The following RBFOX1 variants were observed in gnomAD, a reference collection of about 807,000 sequenced individuals.
RBFOX1 encodes the protein RNA binding fox-1 homolog 1.
A neutral mutation model predicts 57.7 loss-of-function variants in RBFOX1; 8 were observed. The observed-to-expected ratio is 0.14, with a 90% CI of 0.08 to 0.25. The LOEUF is 0.25. Ranked by LOEUF, RBFOX1 falls within the 10% of genes least tolerant of loss-of-function variation. The pLI, the probability that RBFOX1 is intolerant of heterozygous loss-of-function variation, is 1.00. For missense variants in RBFOX1, 611 were observed against 548.5 expected, an observed-to-expected ratio of 1.11 and a Z score of -1.14; for synonymous variants, 326 against 222.4, an observed-to-expected ratio of 1.47 and a Z score of -4.15.
Position 5,375,260 on chromosome 16 carries a change from C to A in RBFOX1, c.220-91956C>A, listed in dbSNP as rs180866611. 3.3e-5 allele frequency among the ~76,000 whole-genome samples: 5 copies of A among 152,182 alleles called. No homozygotes were observed. The South Asian group carries it at 8.3e-4, about 25-fold the overall frequency. On this transcript the variant is annotated intron_variant, in intron 1 of 2. Transcript: ENST00000585867. Reference sequence around the variant, plus strand: ...GTGATAATTTCTAAAATCAATTGACCATGGAAGCTGTTTTCCAGGGATCCA... The same window carrying A: ...GTGATAATTTCTAAAATCAATTGACAATGGAAGCTGTTTTCCAGGGATCCA...
At chr16:5,507,159 A>AAACAAATT (rs2043406922) in intron 2 of RBFOX1, among the ~76,000 whole-genome samples, 1 of 152,144 alleles carries the variant, frequency 6.6e-6, no homozygotes, top group African/African-American at 2.4e-5. Context: ...AGGATGAAGA[A>AAACAAATT]AACAAATTCG....
chr16:5,713,165 T>G (rs1405039492), intron 3 of RBFOX1, among the ~76,000 whole-genome samples: 1 of 152,242 alleles, frequency 6.6e-6, no homozygotes, highest in African/African-American at 2.4e-5. Flanking sequence ...TCTTGTTCTG[T>G]GTAATCATAC....
rs533759033 is a variant in RBFOX1, at chr16:6,065,011, TTTTC to T, written c.-127+45035_-127+45038del. 3.7e-3 allele frequency among the ~76,000 whole-genome samples: 560 copies of T among 151,830 alleles called. 3 individuals carry two copies. The highest frequency in any genetic ancestry group is 5.9e-3 in the Non-Finnish European group (400 of 67,942). Reference sequence around the variant, plus strand: ...ACGTGACTGTTTTTCTATATATTTCTTTTCTTTCTTTCTTTCTTTTTTTTTCTTT... The same window carrying T: ...ACGTGACTGTTTTTCTATATATTTCTTTTCTTTCTTTCTTTTTTTTTCTTT... On this transcript the variant is annotated intron_variant, in intron 1 of 15. Transcript: ENST00000550418.
chr16:7,330,703 G>T (rs565372670), intron 4 of RBFOX1, among the ~76,000 whole-genome samples: 1 of 152,132 alleles, frequency 6.6e-6, no homozygotes, highest in South Asian at 2.1e-4. Flanking sequence ...CTGTAAATTT[G>T]TTGCCTGAAT....
intron 4 of RBFOX1, among the ~76,000 whole-genome samples, chr16:7,432,323 C>T (rs912049036): frequency 2.0e-5 from 3 of 152,176 alleles, no homozygotes; most frequent in Non-Finnish European, 4.4e-5. Context: ...AAATAACTCC[C>T]AGAGAGAAGG....
chr16:7,448,187 C>A (rs981708463), intron 4 of RBFOX1, among the ~76,000 whole-genome samples: 2 of 152,180 alleles, frequency 1.3e-5, no homozygotes, highest in Non-Finnish European at 2.9e-5. Flanking sequence ...AACAGAGCGG[C>A]TTAAAATAAC....
intron 1 of RBFOX1, among the ~76,000 whole-genome samples, chr16:6,204,560 G>T (rs1430340061): frequency 6.6e-6 from 1 of 152,172 alleles, no homozygotes; most frequent in Admixed American, 6.5e-5. Context: ...GAGGTTATTT[G>T]AACCCAGGCA....
At chr16:7,155,086 A>G (rs370529102) in intron 4 of RBFOX1, among the ~76,000 whole-genome samples, 2 of 152,160 alleles carry the variant, frequency 1.3e-5, no homozygotes, top group African/African-American at 4.8e-5. Context: ...CAAGGTATCA[A>G]TGCAAACTCT....
chr16:5,374,439 C>G (rs1297585581), intron 1 of RBFOX1, among the ~76,000 whole-genome samples: 2 of 151,972 alleles, frequency 1.3e-5, no homozygotes, highest in African/African-American at 4.8e-5. Flanking sequence ...GAGAGGAATT[C>G]CAGGAGGAGG....
chr16:6,130,976 C>G (rs925576037), intron 1 of RBFOX1, among the ~76,000 whole-genome samples: 7 of 152,120 alleles, frequency 4.6e-5, no homozygotes, highest in Non-Finnish European at 7.4e-5. Context: ...ACATTCATAA[C>G]CAGATCAGCA....
At chr16:6,105,204 T>G (rs2096363990) in intron 1 of RBFOX1, among the ~76,000 whole-genome samples, 1 of 152,220 alleles carries the variant, frequency 6.6e-6, no homozygotes, top group Non-Finnish European at 1.5e-5. Context: ...CATTTTTAAG[T>G]TACTGTTTTG....
At chr16:5,639,594 C>A (rs143539423) in intron 3 of RBFOX1, among the ~76,000 whole-genome samples, 2 of 152,304 alleles carry the variant, frequency 1.3e-5, no homozygotes, top group African/African-American at 4.8e-5. Flanking sequence ...TCTCTATCAT[C>A]TCCTGAACAT....
rs115981422 is a variant in RBFOX1 at position 6,993,242 on chromosome 16, G to T, written c.-15-58815G>T. Among the ~76,000 whole-genome samples the T allele has an allele frequency of 3.3e-3, 501 of 152,308 alleles. 2 individuals are homozygous for T. The highest frequency in any genetic ancestry group is 0.012 in the African/African-American group (481 of 41,564). On this transcript the variant is annotated intron_variant, in intron 3 of 15. Transcript: ENST00000550418. The stretch of plus-strand genomic sequence containing the variant: ...AATGACTTGTTGCTACTGTAGAGGG[G>T]ACCCTGCACACACCTTCCTGGGAGT...
chr16:7,708,739 C>G (rs1209901730), intron 14 of RBFOX1, among the ~76,000 whole-genome samples: 1 of 152,142 alleles, frequency 6.6e-6, no homozygotes, highest in Non-Finnish European at 1.5e-5. Context: ...TTCTTTCTTA[C>G]CTACCTCAGT....
At chr16:6,514,786 G>C (rs1297262379) in intron 2 of RBFOX1, among the ~76,000 whole-genome samples, 1 of 151,970 alleles carries the variant, frequency 6.6e-6, no homozygotes, top group Non-Finnish European at 1.5e-5. Flanking sequence ...AGAAAAAAGT[G>C]ATGGAGAAAA....
chr16:6,402,872 T>C (rs2093131314), intron 2 of RBFOX1, among the ~76,000 whole-genome samples: 1 of 152,228 alleles, frequency 6.6e-6, no homozygotes, highest in Non-Finnish European at 1.5e-5. Flanking sequence ...GTAACCGAGA[T>C]GTAATTGTGA....
intron 4 of RBFOX1, among the ~76,000 whole-genome samples, chr16:5,994,768 C>G (rs1355902244): frequency 3.3e-5 from 5 of 152,200 alleles, no homozygotes; most frequent in Admixed American, 6.5e-5. Flanking sequence ...GAGCCCTACT[C>G]CACACCACAA....
intron 1 of RBFOX1, among the ~76,000 whole-genome samples, chr16:6,230,608 G>T (rs148034893): frequency 6.5e-4 from 99 of 152,292 alleles, no homozygotes; most frequent in African/African-American, 2.2e-3. Flanking sequence ...GTGGAGGAGT[G>T]AGCAGAAGTA....
At chr16:7,186,948 G>T (rs1166787732) in intron 4 of RBFOX1, among the ~76,000 whole-genome samples, 6 of 146,124 alleles carry the variant, frequency 4.1e-5, no homozygotes, top group Admixed American at 2.1e-4. Flanking sequence ...GCTTGAGACT[G>T]GGAGTTTGAG....
Sources: allele counts gnomAD v4.1 joint callset (sites outside exome capture counted in the v4.1 genomes callset), GRCh38; gene constraint gnomAD v4.1.1; transcripts MANE v1.5; gene names NCBI Gene and HGNC (gene_info 2026-07-23, HGNC 2026-07-21).